The following TANC1 variants were observed in gnomAD, a reference collection of about 807,000 sequenced individuals.
The protein encoded by TANC1 is protein TANC1.
TANC1 carries 77 observed loss-of-function variants against 149.7 expected under a neutral mutation model. That is an observed-to-expected ratio of 0.51 (90% CI 0.43 to 0.62). TANC1 has a LOEUF of 0.62. TANC1 is among the 20% of genes least tolerant of loss of function. The probability of loss-of-function intolerance (pLI) is 0.00; values close to 1 mark genes in which losing one functional copy is unlikely to be tolerated. For missense variants in TANC1, 1,985 were observed against 2,321.8 expected (o/e 0.85, Z 2.98); for synonymous variants, 854 against 925.0 (o/e 0.92, Z 1.39).
chr2:159,195,645 A>G (rs2057785786), intron 17 of TANC1, among the ~76,000 whole-genome samples: 1 of 152,230 alleles, frequency 6.6e-6, no homozygotes, highest in African/African-American at 2.4e-5. Context: ...CATTTGGGAC[A>G]TACATAAACT....
At chr2:159,151,447 T>C (rs1275962865) in intron 7 of TANC1, among the ~76,000 whole-genome samples, 1 of 152,230 alleles carries the variant, frequency 6.6e-6, no homozygotes, top group Non-Finnish European at 1.5e-5. Flanking sequence ...CACGCAGAGC[T>C]CTTCTGAAAG....
intron 4 of TANC1, among the ~76,000 whole-genome samples, chr2:159,126,242 G>T (rs940766723): frequency 2.6e-5 from 4 of 152,166 alleles, no homozygotes; most frequent in Admixed American, 1.3e-4. Flanking sequence ...CCCACCAAAG[G>T]CAGAATTCAG....
At chr2:159,065,805 T>G in intron 2 of TANC1, 91 bp from the exon 3 acceptor site, 3 of 1,031,846 alleles carry the variant, frequency 2.9e-6, no homozygotes, top group Non-Finnish European at 4.5e-6. Context: ...GTCTGTTTGT[T>G]TGAACACAAG....
intron 2 of TANC1, among the ~76,000 whole-genome samples, chr2:159,046,130 C>T (rs2041020420): frequency 6.6e-6 from 1 of 151,376 alleles, no homozygotes; most frequent in South Asian, 2.1e-4. Flanking sequence ...CTTCAGTTTT[C>T]GTTTGGCAGA....
At chr2:159,140,983 G>GC (rs1279093535) in intron 5 of TANC1, among the ~76,000 whole-genome samples, 2 of 152,094 alleles carry the variant, frequency 1.3e-5, no homozygotes, top group Non-Finnish European at 2.9e-5. Flanking sequence ...GAACCACTAT[G>GC]CTTGGCCAGC....
chr2:159,118,748 A>C (rs1185811718), intron 4 of TANC1, among the ~76,000 whole-genome samples: 3 of 152,206 alleles, frequency 2.0e-5, no homozygotes, highest in Non-Finnish European at 4.4e-5. Context: ...GTGCATCTGA[A>C]TCAGCATTGA....
rs771426591 is a variant in TANC1 at position 159,163,452 on chromosome 2, G to T, written c.852G>T (p.Thr284=). ...AGACCACCGGGTCAGCAGAGAGCAC[G>T]CTGCCCAAAGCAGAATCCTCAGCTG... ...EEETTGSAES[T]LPKAESSAGD... The change falls in exon 8 of 27, where the codon ACG becomes ACT. Residue 284 remains threonine (T), a synonymous_variant. Transcript: ENST00000263635. 1 of 1,614,060 alleles carries T rather than the reference G, an allele frequency of 6.2e-7. No individual in the cohort carries two copies. The highest frequency in any genetic ancestry group is 1.1e-5 in the South Asian group (1 of 91,074).
chr2:159,143,072 A>AAAAC (rs2051576880), intron 5 of TANC1, among the ~76,000 whole-genome samples: 2 of 116,700 alleles, frequency 1.7e-5, no homozygotes, highest in Non-Finnish European at 1.8e-5. Flanking sequence ...CAAAAAAAAA[A>AAAAC]AAAAAACAAC....
At chr2:159,021,876 C>T (rs1158079513) in intron 2 of TANC1, among the ~76,000 whole-genome samples, 1 of 151,914 alleles carries the variant, frequency 6.6e-6, no homozygotes, top group African/African-American at 2.4e-5. Flanking sequence ...CTATATAGGT[C>T]GTAAGGCCAA....
intron 14 of TANC1, among the ~76,000 whole-genome samples, chr2:159,185,230 G>A (rs547334526): frequency 6.6e-6 from 1 of 152,364 alleles, no homozygotes; most frequent in East Asian, 1.9e-4. Context: ...CTATGGACAT[G>A]GAGGGCAAAT....
At chr2:159,072,155 T>C (rs1045597459) in intron 3 of TANC1, among the ~76,000 whole-genome samples, 1 of 152,142 alleles carries the variant, frequency 6.6e-6, no homozygotes, top group Non-Finnish European at 1.5e-5. Flanking sequence ...CTAATTTTCG[T>C]ATTTTTAGTA....
intron 18 of TANC1, among the ~76,000 whole-genome samples, chr2:159,197,086 C>A (rs1468626629): frequency 6.6e-6 from 1 of 152,162 alleles, no homozygotes; most frequent in Non-Finnish European, 1.5e-5. Flanking sequence ...GCCCTCTAGA[C>A]CTGCTGTTTT....
At chr2:159,195,562 T>C (rs1006859233) in intron 17 of TANC1, among the ~76,000 whole-genome samples, 2 of 152,226 alleles carry the variant, frequency 1.3e-5, no homozygotes, top group African/African-American at 4.8e-5. Flanking sequence ...GTCTTTTAAT[T>C]AGGATATTTA....
chr2:159,094,671 T>C (rs1199431373), intron 3 of TANC1, among the ~76,000 whole-genome samples: 2 of 151,872 alleles, frequency 1.3e-5, no homozygotes, highest in Non-Finnish European at 2.9e-5. Flanking sequence ...TCCAGACTCA[T>C]GCACAGTGCT....
Position 159,150,425 on chromosome 2 carries a change from C to T in TANC1, c.551C>T (p.Ala184Val), listed in dbSNP as rs778130408. ...SPCSTLTSSTASPSTDSPCST... is the reference protein window; with the variant it reads ...SPCSTLTSSTVSPSTDSPCST... ...TGCTCCACACTAACAAGCAGCACCG[C>T]ATCTCCTAGCACCGATAGCCCCTGC... The change falls in exon 7 of 27, where the codon GCA (alanine) becomes GTA (valine). Residue 184 changes from alanine to valine, a missense_variant. Coordinates refer to ENST00000263635, the MANE Select transcript of TANC1 (RefSeq NM_033394.3). The T allele has an allele frequency of 6.2e-7, 1 of 1,614,176 alleles. No individual in the cohort carries two copies. The highest frequency in any genetic ancestry group is 8.5e-7 in the Non-Finnish European group (1 of 1,180,024).
At chr2:159,189,726 C>T (rs2057296954) in intron 16 of TANC1, among the ~76,000 whole-genome samples, 1 of 152,156 alleles carries the variant, frequency 6.6e-6, no homozygotes, top group African/African-American at 2.4e-5. Flanking sequence ...TCTGCAGGTG[C>T]CTTTATCACT....
chr2:159,227,932 T>A lies in TANC1; in HGVS notation c.4017T>A (p.Tyr1339Ter), dbSNP rs749299155. Residue 1339 changes from tyrosine to a stop codon, truncating the protein, a stop_gained, in exon 25 of 27, where the codon TAT (tyrosine) becomes TAA (stop). Coordinates refer to ENST00000263635, the MANE Select transcript of TANC1 (RefSeq NM_033394.3). LOFTEE classifies it high-confidence loss of function. Reference protein sequence around the residue: ...RPFNELRVSLYLNLSRCRRKT... With the variant: ...RPFNELRVSL Reference sequence around the variant, plus strand: ...TCAATGAATTAAGGGTTTCCCTCTATCTCAATTTGTCGCGATGCCGAAGAA... The same window carrying A: ...TCAATGAATTAAGGGTTTCCCTCTAACTCAATTTGTCGCGATGCCGAAGAA... 3.1e-6 allele frequency: 5 copies of A among 1,613,326 alleles called. No individual in the cohort carries two copies. The highest frequency in any genetic ancestry group is 4.2e-6 in the Non-Finnish European group (5 of 1,179,828).
Position 159,231,989 on chromosome 2 carries a change from A to G in TANC1, c.*977A>G, listed in dbSNP as rs1018492364. On this transcript the variant is annotated 3_prime_UTR_variant, in exon 27 of 27. Transcript: ENST00000263635. ...AGCCCAGTTTTATTCAGACTTGTAA[A>G]TAGAACTATTTCAATGTAGTTAATC... The G allele has an allele frequency of 6.6e-6, 1 of 152,620 alleles. No homozygotes were observed. Among genetic ancestry groups the G allele is most frequent in the African/African-American group, 2.4e-5 (1 of 41,452 alleles). The allele number at this position is 152,620 out of a possible 1,614,324, so 9.5% of individuals were successfully genotyped here.
intron 22 of TANC1, among the ~76,000 whole-genome samples, chr2:159,223,694 G>A (rs983820520): frequency 5.3e-5 from 8 of 152,116 alleles, no homozygotes; most frequent in Admixed American, 3.3e-4. Flanking sequence ...TCTTTGTACC[G>A]TGGTATCAAA....
Sources: gnomAD v4.1 joint callset for allele counts (sites outside exome capture counted in the v4.1 genomes callset) on GRCh38, gnomAD v4.1.1 for gene constraint, MANE v1.5 for transcripts, NCBI Gene and HGNC (gene_info 2026-07-23, HGNC 2026-07-21) for gene names.